ATP5F1A: variants seen among roughly 807,000 people sequenced by gnomAD.
The protein encoded by ATP5F1A is ATP synthase F1 subunit alpha, also known as ATP synthase F(1) complex subunit alpha, mitochondrial.
A neutral mutation model predicts 57.4 loss-of-function variants in ATP5F1A; 24 were observed. The ratio of observed to expected loss-of-function variants is 0.42; its 90% confidence interval spans 0.30 to 0.59. The LOEUF (loss-of-function observed/expected upper bound fraction) is 0.59, where lower values mean the gene tolerates loss of function less well. Ranked by LOEUF, ATP5F1A falls within the 20% of genes least tolerant of loss-of-function variation. ATP5F1A has a pLI of 0.19. For missense variants in ATP5F1A, 494 were observed against 707.9 expected (o/e 0.70, Z 3.43); for synonymous variants, 251 against 255.5 (o/e 0.98, Z 0.17).
chr18:46,100,037 G>T (rs1039956808), upstream of ATP5F1A, among the ~76,000 whole-genome samples: 1 of 151,840 alleles, frequency 6.6e-6, no homozygotes, highest in African/African-American at 2.4e-5. Flanking sequence ...GATCACCTGA[G>T]GTCAGGAGTT....
At position 46,091,772 on chromosome 18, in the gene ATP5F1A, A is replaced by G; in HGVS notation, c.219T>C (p.Arg73=). 6.2e-7 allele frequency: 1 copy of G among 1,613,904 alleles called. No homozygotes were observed. The highest frequency in any genetic ancestry group is 8.5e-7 in the Non-Finnish European group (1 of 1,179,986). ...CAATACCATCACCAATACTTAAGACACGCCCAGTTTCTTCAAGATCAACAG... is the reference window on the plus strand; with the variant it reads ...CAATACCATCACCAATACTTAAGACGCGCCCAGTTTCTTCAAGATCAACAG... ...DTSVDLEETG[R]VLSIGDGIAR... The change falls in exon 3 of 12, where the codon CGT becomes CGC. Residue 73 remains arginine (R), a synonymous_variant. Coordinates refer to ENST00000398752, the MANE Select transcript of ATP5F1A (RefSeq NM_004046.6).
rs776816563 is a variant in ATP5F1A at position 46,098,198 on chromosome 18, G to A, written c.34C>T (p.Arg12Cys). ...LSVRVAAAVV[R>C]ALPRRAGLVS... ...AGTCCGGCCCGCCGAGGAAGGGCGCGGACCACGGCCGCAGCAACGCGCACG... is the reference window on the plus strand; with the variant it reads ...AGTCCGGCCCGCCGAGGAAGGGCGCAGACCACGGCCGCAGCAACGCGCACG... Residue 12 changes from arginine to cysteine, a missense_variant, in exon 1 of 12, where the codon CGC becomes TGC. Physicochemically the swap from Arg to Cys is radical, Grantham distance 180. This residue lies in a region of ATP5F1A where 142 missense variants were observed against 137.5 expected (regional missense o/e 1.03). Coordinates refer to ENST00000398752, the MANE Select transcript of ATP5F1A (RefSeq NM_004046.6). 6.2e-7 allele frequency: 1 copy of A among 1,606,394 alleles called. No homozygotes were observed. Among genetic ancestry groups the A allele is most frequent in the Non-Finnish European group, 8.5e-7 (1 of 1,179,076 alleles).
At chr18:46,093,843 A>G (rs1433153647) in intron 2 of ATP5F1A, among the ~76,000 whole-genome samples, 3 of 151,674 alleles carry the variant, frequency 2.0e-5, no homozygotes, top group Non-Finnish European at 4.4e-5. Flanking sequence ...ACAGTGCCTC[A>G]TGTCTGTAAT....
chr18:46,085,913 G>C (rs544317953), intron 10 of ATP5F1A, 200 bp downstream of exon 10: 12 of 630,758 alleles, frequency 1.9e-5, no homozygotes, highest in African/African-American at 3.8e-5. Flanking sequence ...AGCCTAGGCC[G>C]TAAGAATGAA....
rs776041968 is a variant in ATP5F1A at position 46,098,242 on chromosome 18, A to G, written c.-11T>C. The G allele has an allele frequency of 5.0e-6, 8 of 1,603,522 alleles. No homozygotes were observed. The highest frequency in any genetic ancestry group is 1.7e-5 in the Admixed American group (1 of 59,808). ...GCGCACGGACAGCATCTTTGCAGTT[A>G]CTCCGCAGGCGGTACTTCTGCAGCC... On this transcript the variant is annotated 5_prime_UTR_variant, in exon 1 of 12. Transcript: ENST00000398752.
At chr18:46,089,465 T>C (rs1221408971) in intron 5 of ATP5F1A, 101 bp downstream of exon 5, 2 of 1,357,026 alleles carry the variant, frequency 1.5e-6, no homozygotes, top group Non-Finnish European at 2.0e-6. Context: ...TCGTATTAGA[T>C]TCTAATGTCC....
chr18:46,095,025 C>CGGCGTA (rs1568253144), intron 2 of ATP5F1A, 28 bp downstream of exon 2: 1 of 1,587,918 alleles, frequency 6.3e-7, no homozygotes, highest in East Asian at 2.2e-5. Context: ...CTAGTAAGTG[C>CGGCGTA]GGCGTAGACT....
chr18:46,096,156 T>C (rs932465020), intron 1 of ATP5F1A, among the ~76,000 whole-genome samples: 5 of 151,946 alleles, frequency 3.3e-5, no homozygotes, highest in Admixed American at 6.6e-5. Context: ...CCCAAAGTGC[T>C]GGAATTACAG....
In ATP5F1A at chr18:46,095,136, T is replaced by C. The variant is rs767989967; in HGVS notation, c.61-5A>G. The C allele has an allele frequency of 2.5e-6, 4 of 1,606,818 alleles. No homozygotes were observed. The African/African-American group carries it at 4.0e-5, about 16-fold the overall frequency. On this transcript the variant is annotated splice_polypyrimidine_tract_variant and splice_region_variant and intron_variant, in intron 1 of 11. Coordinates refer to ENST00000398752, the MANE Select transcript of ATP5F1A (RefSeq NM_004046.6). ...ACCCAAAGCATTTCTGGAGACCTAG[T>C]GCAAAAGTATTCTTAAAAATTTGAT...
chr18:46,097,775 ACAG>A, intron 1 of ATP5F1A: 1 of 1,015,508 alleles, frequency 9.8e-7, no homozygotes, highest in Non-Finnish European at 1.2e-6. Context: ...ACAAGAGCTG[ACAG>A]CAGTTTTCTG....
upstream of ATP5F1A, chr18:46,098,537 CGGGTGACCACGT>C (rs1376649906): frequency 2.2e-6 from 1 of 461,698 alleles, no homozygotes; most frequent in African/African-American, 2.1e-5. Context: ...GTGGTTGCCC[CGGGTGACCACGT>C]GGGTAGCTGA....
At position 46,095,102 on chromosome 18, in the gene ATP5F1A, G is replaced by C. The variant is rs367903141; in HGVS notation, c.90C>G (p.Phe30Leu). Residue 30 changes from phenylalanine to leucine, a missense_variant, in exon 2 of 12, where the codon TTC becomes TTG. By Grantham distance (22) the Phe-to-Leu change is conservative. Around this residue, in one of 6 missense-constraint regions of ATP5F1A, gnomAD observed 142 missense variants for 137.5 expected, o/e 1.03. Coordinates refer to ENST00000398752, the MANE Select transcript of ATP5F1A (RefSeq NM_004046.6). ...AGGCATGGAAGTTCCTTGCAGCAAT[G>C]AAAGATGAACCCAAAGCATTTCTGG... ...LVSRNALGSS[F>L]IAARNFHASN... is the part of the protein sequence containing the mutation. 2.3e-5 allele frequency: 37 copies of C among 1,613,636 alleles called. No homozygotes were observed. Among genetic ancestry groups the C allele is most frequent in the Non-Finnish European group, 2.5e-5 (29 of 1,179,868 alleles).
intron 2 of ATP5F1A, 36 bp from the exon 3 acceptor site, chr18:46,091,887 T>C: frequency 6.3e-7 from 1 of 1,590,706 alleles, no homozygotes; most frequent in Non-Finnish European, 8.5e-7. Flanking sequence ...AAAAAAATAA[T>C]CTGGGCCAGG....
Position 46,082,070 on chromosome 18 carries a change from A to C in ATP5F1A, c.*2212T>G, listed in dbSNP as rs749500391. The C allele has an allele frequency of 7.7e-6, 1 of 129,146 alleles. No homozygotes were observed. Among genetic ancestry groups the C allele is most frequent in the African/African-American group, 3.0e-5 (1 of 33,074 alleles). The allele number at this position is 129,146 out of a possible 1,614,324, so 8.0% of individuals were successfully genotyped here. On this transcript the variant is annotated 3_prime_UTR_variant, in exon 12 of 12. Transcript: ENST00000398752. ...ATGACCCTTACAGACAAAAGCCTTT[A>C]TATATCAGTAAAAAAAAAAAAAAAA...
At chr18:46,086,280 C>T (rs927333977) in intron 9 of ATP5F1A, 23 bp from the exon 10 acceptor site, 1 of 1,613,702 alleles carries the variant, frequency 6.2e-7, no homozygotes, top group Non-Finnish European at 8.5e-7. Flanking sequence ...AATTACTGTA[C>T]TGTAACTCAG....
At chr18:46,100,504 G>A (rs1911245256), upstream of ATP5F1A, among the ~76,000 whole-genome samples, 1 of 152,076 alleles carries the variant, frequency 6.6e-6, no homozygotes, top group Non-Finnish European at 1.5e-5. Flanking sequence ...CAACACGTTG[G>A]GAAGCCAAGA....
At chr18:46,095,339 C>T (rs554035967) in intron 1 of ATP5F1A, among the ~76,000 whole-genome samples, 13 of 152,188 alleles carry the variant, frequency 8.5e-5, no homozygotes, top group African/African-American at 2.9e-4. Flanking sequence ...AGTAAACACT[C>T]GCATATTTTT....
intron 8 of ATP5F1A, 102 bp from the exon 9 acceptor site, chr18:46,086,596 C>CAT (rs1910116562): frequency 9.1e-7 from 1 of 1,095,104 alleles, no homozygotes. Flanking sequence ...CAAAACCTAA[C>CAT]AATGCAAAGC....
intron 2 of ATP5F1A, among the ~76,000 whole-genome samples, chr18:46,093,984 G>A (rs183954583): frequency 6.6e-6 from 1 of 151,968 alleles, no homozygotes; most frequent in East Asian, 1.9e-4. Context: ...GTGGGCACCT[G>A]TAATCCCACC....
Sources: allele counts gnomAD v4.1 joint callset (sites outside exome capture counted in the v4.1 genomes callset), GRCh38; gene constraint gnomAD v4.1.1; regional missense constraint gnomAD v4.1.1; transcripts MANE v1.5; gene names NCBI Gene and HGNC (gene_info 2026-07-23, HGNC 2026-07-21).